Variants in NECAB1 observed in about 807,000 individuals in gnomAD.
NECAB1 encodes the protein N-terminal EF-hand calcium binding protein 1.
NECAB1 carries 29 observed loss-of-function variants against 57.5 expected under a neutral mutation model. The observed-to-expected ratio is 0.50, with a 90% CI of 0.38 to 0.69. The LOEUF is 0.69. Ranked by LOEUF, NECAB1 falls within the 30% of genes least tolerant of loss-of-function variation. The pLI, the probability that NECAB1 is intolerant of heterozygous loss-of-function variation, is 0.00. For missense variants in NECAB1, 372 were observed against 413.8 expected (o/e 0.90, Z 0.88); for synonymous variants, 142 against 147.7 (o/e 0.96, Z 0.28).
intron 10 of NECAB1, among the ~76,000 whole-genome samples, chr8:90,942,406 C>T (rs1212120653): frequency 2.0e-5 from 3 of 152,166 alleles, no homozygotes; most frequent in Admixed American, 1.3e-4. Flanking sequence ...CCAGTAGTGC[C>T]TTTGAAACAA....
intron 10 of NECAB1, among the ~76,000 whole-genome samples, chr8:90,945,252 G>A (rs552066280): frequency 1.4e-4 from 22 of 152,080 alleles, no homozygotes; most frequent in Admixed American, 2.6e-4. Flanking sequence ...TATTTTAGTA[G>A]AGACAGGGTT....
chr8:90,913,674 T>C, intron 5 of NECAB1, among the ~76,000 whole-genome samples: 1 of 152,202 alleles, frequency 6.6e-6, no homozygotes, highest in Non-Finnish European at 1.5e-5. Context: ...CCAACACATT[T>C]GCTGAGAATT....
chr8:90,833,330 A>T, intron 3 of NECAB1, among the ~76,000 whole-genome samples: 1 of 151,268 alleles, frequency 6.6e-6, no homozygotes, highest in East Asian at 2.0e-4. Flanking sequence ...AAACTTTTTC[A>T]TATCTTTTTT....
intron 3 of NECAB1, among the ~76,000 whole-genome samples, chr8:90,871,415 A>G (rs1284499156): frequency 2.0e-5 from 3 of 152,122 alleles, no homozygotes; most frequent in Non-Finnish European, 2.9e-5. Flanking sequence ...TTTCTTGGTA[A>G]AGGACATTAT....
At chr8:90,793,485 G>A (rs1811610268) in intron 1 of NECAB1, among the ~76,000 whole-genome samples, 2 of 152,076 alleles carry the variant, frequency 1.3e-5, no homozygotes, top group Non-Finnish European at 2.9e-5. Flanking sequence ...GCCTGGCTTG[G>A]GTCAGTCAGA....
chr8:90,867,760 C>A (rs1808547071), intron 3 of NECAB1, among the ~76,000 whole-genome samples: 2 of 152,156 alleles, frequency 1.3e-5, no homozygotes, highest in South Asian at 4.1e-4. Context: ...AATAGAAGTT[C>A]AAATATTTCT....
intron 5 of NECAB1, among the ~76,000 whole-genome samples, chr8:90,904,333 A>T (rs1004920105): frequency 6.6e-6 from 1 of 151,974 alleles, no homozygotes; most frequent in Admixed American, 6.5e-5. Flanking sequence ...ATCATCAGCT[A>T]AATAATAAGT....
intron 5 of NECAB1, among the ~76,000 whole-genome samples, chr8:90,893,523 A>G (rs1809241985): frequency 6.6e-6 from 1 of 152,136 alleles, no homozygotes; most frequent in Admixed American, 6.6e-5. Context: ...GGACAGATGG[A>G]CAGCCCAGAT....
intron 5 of NECAB1, among the ~76,000 whole-genome samples, chr8:90,893,222 A>G (rs144874333): frequency 1.2e-3 from 177 of 151,732 alleles, no homozygotes; most frequent in South Asian, 5.3e-3. Context: ...TCCTTTCTTG[A>G]TCCTCCAAGT....
intron 3 of NECAB1, among the ~76,000 whole-genome samples, chr8:90,852,429 G>A (rs1454059678): frequency 6.6e-6 from 1 of 152,132 alleles, no homozygotes; most frequent in Admixed American, 6.5e-5. Context: ...CAGTGATAGG[G>A]ACAGGAGGCA....
At chr8:90,840,675 G>A (rs1360927123) in intron 3 of NECAB1, among the ~76,000 whole-genome samples, 1 of 152,158 alleles carries the variant, frequency 6.6e-6, no homozygotes, top group African/African-American at 2.4e-5. Flanking sequence ...GCTAGCCAGG[G>A]GAGGTGATAT....
chr8:90,877,029 A>C (rs755368264), intron 4 of NECAB1, among the ~76,000 whole-genome samples: 11 of 152,256 alleles, frequency 7.2e-5, no homozygotes, highest in Non-Finnish European at 1.6e-4. Flanking sequence ...TAAGGACAAT[A>C]TACATTTGCC....
chr8:90,876,264 G>A (rs944873409), intron 4 of NECAB1, among the ~76,000 whole-genome samples: 1 of 152,036 alleles, frequency 6.6e-6, no homozygotes, highest in Non-Finnish European at 1.5e-5. Context: ...ACATGTCACT[G>A]ATGATTGAGA....
chr8:90,843,581 G>A (rs763142817), intron 3 of NECAB1, among the ~76,000 whole-genome samples: 2 of 152,140 alleles, frequency 1.3e-5, no homozygotes, highest in African/African-American at 2.4e-5. Context: ...ACTATTATAC[G>A]CTCATCCGCC....
At chr8:90,827,789 G>A (rs991940814) in intron 3 of NECAB1, among the ~76,000 whole-genome samples, 1 of 151,796 alleles carries the variant, frequency 6.6e-6, no homozygotes, top group Non-Finnish European at 1.5e-5. Context: ...TGTGTCTATA[G>A]TGCAGTATAA....
At chr8:90,893,926 G>T in intron 5 of NECAB1, among the ~76,000 whole-genome samples, 1 of 151,622 alleles carries the variant, frequency 6.6e-6, no homozygotes, top group South Asian at 2.1e-4. Flanking sequence ...TGTTGAATTT[G>T]CCTTTTAAAT....
intron 1 of NECAB1, among the ~76,000 whole-genome samples, chr8:90,795,985 A>T (rs1034770024): frequency 6.6e-6 from 1 of 152,214 alleles, no homozygotes; most frequent in Non-Finnish European, 1.5e-5. Context: ...CCCGGAACTT[A>T]AAAAATTTTT....
intron 10 of NECAB1, among the ~76,000 whole-genome samples, chr8:90,945,753 A>C (rs902060487): frequency 1.3e-5 from 2 of 152,134 alleles, no homozygotes; most frequent in Non-Finnish European, 2.9e-5. Context: ...AAGCCATTTC[A>C]CTGACACATT....
chr8:90,875,405 C>T (rs1808699447), intron 4 of NECAB1, among the ~76,000 whole-genome samples: 1 of 140,258 alleles, frequency 7.1e-6, no homozygotes, highest in Non-Finnish European at 1.5e-5. Flanking sequence ...GGTGTGAACC[C>T]GGGAAGCGGA....
Sources: allele counts gnomAD v4.1 joint callset (sites outside exome capture counted in the v4.1 genomes callset), GRCh38; gene constraint gnomAD v4.1.1; transcripts MANE v1.5; gene names NCBI Gene and HGNC (gene_info 2026-07-23, HGNC 2026-07-21).